USP3: variants seen among roughly 807,000 people sequenced by gnomAD.
The protein encoded by USP3 is ubiquitin specific peptidase 3.
Under a neutral mutation model 72.3 loss-of-function variants are expected in USP3, and 20 were observed. The observed-to-expected ratio is 0.28, with a 90% CI of 0.19 to 0.40. The LOEUF (loss-of-function observed/expected upper bound fraction) is 0.40, where lower values mean the gene tolerates loss of function less well. Ranked by LOEUF, USP3 falls within the 10% of genes least tolerant of loss-of-function variation. The pLI is 1.00. For missense variants in USP3, 479 were observed against 633.9 expected (o/e 0.76, Z 2.62); for synonymous variants, 222 against 225.3 (o/e 0.99, Z 0.13).
Position 63,590,650 on chromosome 15 carries a change from T to G in USP3, c.1398-11T>G. The G allele has an allele frequency of 6.5e-7, 1 of 1,542,770 alleles. No homozygotes were observed. The highest frequency in any genetic ancestry group is 8.7e-7 in the Non-Finnish European group (1 of 1,145,352). On this transcript the variant is annotated splice_polypyrimidine_tract_variant and intron_variant, in intron 14 of 14. Coordinates refer to ENST00000380324, the MANE Select transcript of USP3 (RefSeq NM_006537.4). ...GAGGTTCTTTTTTCCTTTGGTCTTT[T>G]GCCTTTACAGGGTTGGTTCTGGACA...
intron 8 of USP3, among the ~76,000 whole-genome samples, chr15:63,568,810 G>C (rs1313175681): frequency 6.6e-6 from 1 of 152,192 alleles, no homozygotes; most frequent in Non-Finnish European, 1.5e-5. Context: ...AATTTCACAA[G>C]TTGAAATAGA....
At chr15:63,512,816 A>G (rs1023120505) in intron 1 of USP3, among the ~76,000 whole-genome samples, 2 of 152,188 alleles carry the variant, frequency 1.3e-5, no homozygotes, top group Non-Finnish European at 1.5e-5. Context: ...AATGCAGATG[A>G]ATTTAGGAAG....
chr15:63,512,349 CTTCCTCTTCTTCTTCT>C (rs1280410667), intron 1 of USP3, among the ~76,000 whole-genome samples: 41 of 41,988 alleles, frequency 9.8e-4, no homozygotes, highest in Admixed American at 4.2e-3. Flanking sequence ...TCTTCCTCCT[CTTCCTCTTCTTCTTCT>C]TTCTTCTTTC....
intron 1 of USP3, among the ~76,000 whole-genome samples, chr15:63,506,190 C>G (rs1429845930): frequency 1.3e-5 from 2 of 152,114 alleles, no homozygotes; most frequent in Non-Finnish European, 2.9e-5. Flanking sequence ...TGTGAGGATG[C>G]AGAAACTTGT....
At chr15:63,520,156 C>CAG (rs1435262538) in intron 1 of USP3, among the ~76,000 whole-genome samples, 2 of 152,122 alleles carry the variant, frequency 1.3e-5, no homozygotes, top group Non-Finnish European at 2.9e-5. Context: ...AGCATATCTA[C>CAG]ATCTGTTTAT....
At chr15:63,509,241 A>G (rs2065751770) in intron 1 of USP3, among the ~76,000 whole-genome samples, 1 of 152,206 alleles carries the variant, frequency 6.6e-6, no homozygotes, top group Non-Finnish European at 1.5e-5. Context: ...ACTGCTTTTT[A>G]GTAACATTCT....
chr15:63,547,755 AGGGAGG>A (rs1292711827), intron 3 of USP3, among the ~76,000 whole-genome samples: 567 of 30,958 alleles, frequency 0.018, 42 homozygotes, highest in South Asian at 0.047. Context: ...GGAGGGAGGG[AGGGAGG>A]GAGAGAGAGA....
At chr15:63,547,389 TAAAA>T (rs760140731) in intron 3 of USP3, among the ~76,000 whole-genome samples, 2 of 150,330 alleles carry the variant, frequency 1.3e-5, no homozygotes, top group Non-Finnish European at 3.0e-5. Flanking sequence ...TGTAAAAACC[TAAAA>T]AAAAAATTTT....
At chr15:63,542,589 TAAAGG>T (rs1251458793) in intron 3 of USP3, among the ~76,000 whole-genome samples, 1 of 152,094 alleles carries the variant, frequency 6.6e-6, no homozygotes, top group Non-Finnish European at 1.5e-5. Context: ...TATTCATTAT[TAAAGG>T]AAACCTCAAA....
chr15:63,513,982 C>T (rs1180955171), intron 1 of USP3, among the ~76,000 whole-genome samples: 2 of 152,268 alleles, frequency 1.3e-5, no homozygotes, highest in Middle Eastern at 3.4e-3. Flanking sequence ...TCTTTGGTTT[C>T]ATTAAGATTA....
Position 63,570,553 on chromosome 15 carries a change from T to G in USP3, c.882T>G (p.Thr294=). Residue 294 remains threonine, a synonymous_variant, in exon 9 of 15, where the codon ACT becomes ACG. Coordinates refer to ENST00000380324, the MANE Select transcript of USP3 (RefSeq NM_006537.4). This position sits in a 1 kb window ranked among gnomAD's most constrained non-coding sequence, Gnocchi z 4.4. The part of the protein sequence containing the change: ...SRSAILQENS[T]LSASNKCCIN... The stretch of plus-strand genomic sequence containing the variant: ...CAGCAATTCTGCAGGAGAATTCTAC[T>G]CTGTCTGCAAGTAACAAGTGTTGCA... 6.2e-7 allele frequency: 1 copy of G among 1,613,914 alleles called. No individual in the cohort carries two copies. Among genetic ancestry groups the G allele is most frequent in the Non-Finnish European group, 8.5e-7 (1 of 1,179,876 alleles).
chr15:63,531,868 G>A (rs1441173750), intron 1 of USP3, among the ~76,000 whole-genome samples: 3 of 152,148 alleles, frequency 2.0e-5, no homozygotes, highest in African/African-American at 7.2e-5. Context: ...AAATATACAT[G>A]TTCTTTGTAC....
At chr15:63,530,952 T>A (rs2066065529) in intron 1 of USP3, among the ~76,000 whole-genome samples, 1 of 152,210 alleles carries the variant, frequency 6.6e-6, no homozygotes, top group Non-Finnish European at 1.5e-5. Context: ...GTGGTTTACG[T>A]GCACATGTAA....
chr15:63,537,868 A>G (rs2066182323), intron 3 of USP3, among the ~76,000 whole-genome samples: 1 of 152,040 alleles, frequency 6.6e-6, no homozygotes, highest in Non-Finnish European at 1.5e-5. Context: ...TATTTTTAGT[A>G]GAGACGGAGT....
intron 11 of USP3, among the ~76,000 whole-genome samples, chr15:63,582,615 TTA>T (rs1482359386): frequency 6.6e-6 from 1 of 152,222 alleles, no homozygotes; most frequent in Non-Finnish European, 1.5e-5. Context: ...TAACTTTCCA[TTA>T]TCTTGTGCAT....
At chr15:63,590,377 G>T (rs2067171726) in intron 14 of USP3, among the ~76,000 whole-genome samples, 1 of 152,114 alleles carries the variant, frequency 6.6e-6, no homozygotes, top group Non-Finnish European at 1.5e-5. Flanking sequence ...GGAAAACCTG[G>T]TACCTAGTTT....
intron 3 of USP3, among the ~76,000 whole-genome samples, chr15:63,547,734 G>A (rs1471004351): frequency 2.2e-5 from 1 of 45,650 alleles, no homozygotes. Context: ...GAGAGAGAGA[G>A]AGAGAGAGAG....
At chr15:63,589,033 TGGTG>T in intron 14 of USP3, 22 bp downstream of exon 14, 4 of 1,612,642 alleles carry the variant, frequency 2.5e-6, no homozygotes, top group Non-Finnish European at 3.4e-6. Flanking sequence ...AGCCAGCTTC[TGGTG>T]GGTGGGAATA....
chr15:63,548,165 C>T lies in USP3; in HGVS notation c.285-5550C>T, dbSNP rs1458894154. On this transcript the variant is annotated intron_variant, in intron 3 of 14. Transcript: ENST00000380324. The stretch of plus-strand genomic sequence containing the variant: ...AAAAAAAATCTTAGAGACAGGGTCT[C>T]TGTCACCCAGCTGGAGTGTAGTGAT... 4.6e-5 allele frequency among the ~76,000 whole-genome samples: 7 copies of T among 150,972 alleles called. No individual in the cohort carries two copies. In the East Asian group the frequency reaches 1.4e-3, roughly 30 times the overall value.
Sources: allele counts gnomAD v4.1 joint callset (sites outside exome capture counted in the v4.1 genomes callset), GRCh38; gene constraint gnomAD v4.1.1; non-coding constraint Gnocchi (gnomAD v3.1); transcripts MANE v1.5; gene names NCBI Gene and HGNC (gene_info 2026-07-23, HGNC 2026-07-21).